Variants in SLC39A11 observed in about 807,000 individuals in gnomAD.
The protein encoded by SLC39A11 is zinc transporter ZIP11.
SLC39A11 carries 33 observed loss-of-function variants against 36.1 expected under a neutral mutation model. The observed-to-expected ratio is 0.91, with a 90% CI of 0.69 to 1.22. The LOEUF (loss-of-function observed/expected upper bound fraction) is 1.22. SLC39A11 is among the 50% of genes most tolerant of loss of function. The probability of loss-of-function intolerance (pLI) is 0.00; values close to 1 mark genes in which losing one functional copy is unlikely to be tolerated. For missense variants in SLC39A11, 432 were observed against 430.3 expected, an observed-to-expected ratio of 1.00 and a Z score of -0.03; for synonymous variants, 166 against 170.3, an observed-to-expected ratio of 0.97 and a Z score of 0.20.
intron 1 of SLC39A11, 77 bp downstream of exon 1, chr17:73,092,534 C>A (rs1022101260): frequency 6.6e-6 from 1 of 152,478 alleles, no homozygotes; most frequent in Non-Finnish European, 1.5e-5. Context: ...CCAAGTCCCA[C>A]ACTCTTGTCC....
At chr17:72,739,335 C>T (rs548764376) in intron 6 of SLC39A11, among the ~76,000 whole-genome samples, 2 of 152,166 alleles carry the variant, frequency 1.3e-5, no homozygotes, top group East Asian at 1.9e-4. Flanking sequence ...CCGTGTTGGC[C>T]GGGCTGGTCT....
intron 7 of SLC39A11, among the ~76,000 whole-genome samples, chr17:72,659,991 G>A (rs2070337043): frequency 6.6e-6 from 1 of 152,106 alleles, no homozygotes; most frequent in South Asian, 2.1e-4. Context: ...GTTTTCCAAG[G>A]CCGGAGTGCG....
intron 7 of SLC39A11, among the ~76,000 whole-genome samples, chr17:72,666,721 A>AG (rs1235162335): frequency 1.3e-5 from 2 of 152,148 alleles, no homozygotes; most frequent in African/African-American, 4.8e-5. Context: ...TGCAAACTAA[A>AG]GGGGGAGTTT....
chr17:72,735,154 T>C (rs1299073535), intron 7 of SLC39A11, among the ~76,000 whole-genome samples: 1 of 152,060 alleles, frequency 6.6e-6, no homozygotes, highest in Non-Finnish European at 1.5e-5. Context: ...GAACATGAAG[T>C]TGAGAATAAG....
intron 7 of SLC39A11, among the ~76,000 whole-genome samples, chr17:72,677,779 T>C: frequency 6.6e-6 from 1 of 152,064 alleles, no homozygotes; most frequent in East Asian, 1.9e-4. Context: ...AGAGAATTAC[T>C]AGAACACAGC....
chr17:72,715,140 G>A (rs368162533), intron 7 of SLC39A11, among the ~76,000 whole-genome samples: 9 of 152,278 alleles, frequency 5.9e-5, no homozygotes, highest in Admixed American at 3.3e-4. Context: ...ACCCAGCCAC[G>A]AAAGGGGCCC....
chr17:72,767,260 T>C (rs1242043310), intron 6 of SLC39A11, among the ~76,000 whole-genome samples: 1 of 152,240 alleles, frequency 6.6e-6, no homozygotes, highest in East Asian at 1.9e-4. Flanking sequence ...GCTGATTTTC[T>C]CAGTATTTAC....
At chr17:72,782,491 T>C (rs2076351038) in intron 6 of SLC39A11, among the ~76,000 whole-genome samples, 3 of 151,754 alleles carry the variant, frequency 2.0e-5, no homozygotes, top group Non-Finnish European at 4.4e-5. Context: ...AAGTTTGAGA[T>C]CAGCCTGGCT....
chr17:72,719,656 C>T (rs893117620), intron 7 of SLC39A11, among the ~76,000 whole-genome samples: 4 of 152,176 alleles, frequency 2.6e-5, no homozygotes, highest in Non-Finnish European at 5.9e-5. Flanking sequence ...CTCCAGTGCC[C>T]GGGAAAGCCG....
At chr17:73,035,757 A>C (rs1340339634) in intron 3 of SLC39A11, among the ~76,000 whole-genome samples, 1 of 149,836 alleles carries the variant, frequency 6.7e-6, no homozygotes, top group Non-Finnish European at 1.5e-5. Flanking sequence ...CCAGCTACTC[A>C]GGAGGCTGAG....
intron 4 of SLC39A11, among the ~76,000 whole-genome samples, chr17:72,952,207 A>C (rs1598563203): frequency 6.6e-6 from 1 of 152,148 alleles, no homozygotes; most frequent in African/African-American, 2.4e-5. Context: ...ACCTGGCAAA[A>C]CCTCCACATG....
intron 6 of SLC39A11, among the ~76,000 whole-genome samples, chr17:72,805,951 C>T (rs914431752): frequency 6.6e-6 from 1 of 151,950 alleles, no homozygotes; most frequent in Non-Finnish European, 1.5e-5. Flanking sequence ...AGGATTTTGC[C>T]AGGTTGGCCA....
At chr17:72,829,569 G>A (rs1253669288) in intron 6 of SLC39A11, among the ~76,000 whole-genome samples, 1 of 152,134 alleles carries the variant, frequency 6.6e-6, no homozygotes, top group Non-Finnish European at 1.5e-5. Flanking sequence ...GGAAAGGGAG[G>A]ATGCTGAGAA....
chr17:72,875,542 CA>C (rs2080857300), intron 5 of SLC39A11, among the ~76,000 whole-genome samples: 2 of 152,324 alleles, frequency 1.3e-5, no homozygotes, highest in Admixed American at 1.3e-4. Context: ...AATGCTCCAA[CA>C]ATCTGTCCAC....
intron 6 of SLC39A11, among the ~76,000 whole-genome samples, chr17:72,738,444 G>A (rs1266260201): frequency 1.3e-5 from 2 of 152,166 alleles, no homozygotes; most frequent in African/African-American, 4.8e-5. Flanking sequence ...GACAAGATGG[G>A]TTTTCACGTC....
chr17:72,988,413 A>G (rs563743392), intron 4 of SLC39A11, among the ~76,000 whole-genome samples: 1 of 152,208 alleles, frequency 6.6e-6, no homozygotes, highest in Non-Finnish European at 1.5e-5. Flanking sequence ...GTCAGACAAG[A>G]TCACACCACT....
chr17:72,800,988 G>A (rs2077065224), intron 6 of SLC39A11, among the ~76,000 whole-genome samples: 1 of 152,178 alleles, frequency 6.6e-6, no homozygotes, highest in African/African-American at 2.4e-5. Context: ...AAGGGATGAA[G>A]TACTGATACA....
chr17:72,969,724 C>G (rs2087293147), intron 4 of SLC39A11, among the ~76,000 whole-genome samples: 3 of 152,126 alleles, frequency 2.0e-5, no homozygotes. Flanking sequence ...GAAACACACC[C>G]AACTCATCTC....
chr17:72,657,178 G>C (rs1410080854), intron 7 of SLC39A11, among the ~76,000 whole-genome samples: 1 of 151,948 alleles, frequency 6.6e-6, no homozygotes, highest in Non-Finnish European at 1.5e-5. Context: ...TGGTCAACAC[G>C]GTGAAACTCC....
Sources: gnomAD v4.1 joint callset for allele counts (sites outside exome capture counted in the v4.1 genomes callset) on GRCh38, gnomAD v4.1.1 for gene constraint, MANE v1.5 for transcripts, NCBI Gene and HGNC (gene_info 2026-07-23, HGNC 2026-07-21) for gene names.